FMO4: variants seen among roughly 807,000 people sequenced by gnomAD.
FMO4 encodes the protein dimethylaniline monooxygenase [N-oxide-forming] 4.
Under a neutral mutation model 43.3 loss-of-function variants are expected in FMO4, and 38 were observed. The observed-to-expected ratio is 0.88, with a 90% CI of 0.68 to 1.15. FMO4 has a LOEUF of 1.15. Among genes scored for constraint, FMO4 ranks in the 50% most tolerant of loss-of-function variants. The pLI is 0.00. For synonymous variants in FMO4, 224 were observed against 232.2 expected, an observed-to-expected ratio of 0.96 and a Z score of 0.32; for missense variants, 631 against 663.3, an observed-to-expected ratio of 0.95 and a Z score of 0.54.
intron 3 of FMO4, among the ~76,000 whole-genome samples, chr1:171,320,680 G>A (rs760236830): frequency 1.3e-5 from 2 of 152,026 alleles, no homozygotes; most frequent in African/African-American, 2.4e-5. Context: ...ATCTGCCCCA[G>A]TAGTGAAGTA....
At chr1:171,328,018 C>A (rs898997528) in intron 5 of FMO4, among the ~76,000 whole-genome samples, 1 of 152,056 alleles carries the variant, frequency 6.6e-6, no homozygotes, top group African/African-American at 2.4e-5. Context: ...TTACTTACAT[C>A]CCCATTAGAG....
At chr1:171,325,486 C>A (rs1045708380) in intron 5 of FMO4, among the ~76,000 whole-genome samples, 21 of 151,984 alleles carry the variant, frequency 1.4e-4, no homozygotes, top group African/African-American at 4.8e-4. Flanking sequence ...CAAACGTTGG[C>A]AAAATGAAGG....
In FMO4 at chr1:171,319,909, C is replaced by A; in HGVS notation, c.84C>A (p.Pro28=). ...GCTGTGTGGATGAGGACCTGGAGCC[C>A]ACCTGCTTTGAGAGAAGTGATGACA... ...IKCCVDEDLE[P]TCFERSDDIG... Residue 28 remains proline (P), a synonymous_variant, in exon 3 of 10, where the codon CCC becomes CCA. Coordinates refer to ENST00000367749, the MANE Select transcript of FMO4 (RefSeq NM_002022.3). 1 of 1,613,850 alleles carries A rather than the reference C, an allele frequency of 6.2e-7. No individual in the cohort carries two copies. The highest frequency in any genetic ancestry group is 8.5e-7 in the Non-Finnish European group (1 of 1,179,818).
At chr1:171,339,673 G>C (rs1488768590) in intron 9 of FMO4, among the ~76,000 whole-genome samples, 1 of 152,174 alleles carries the variant, frequency 6.6e-6, no homozygotes, top group East Asian at 1.9e-4. Context: ...AAGTGCTAAG[G>C]CTGATGCCAA....
chr1:171,332,360 T>C (rs1036523913), intron 6 of FMO4, among the ~76,000 whole-genome samples: 2 of 152,216 alleles, frequency 1.3e-5, no homozygotes, highest in African/African-American at 4.8e-5. Context: ...TATATTTTTA[T>C]TTAAAAATAA....
rs1266750254 is a variant in FMO4 at position 171,334,523 on chromosome 1, G to T, written c.940G>T (p.Asp314Tyr). Reference protein sequence around the residue: ...EFTETSAVFEDGTVEENIDVV... With the variant: ...EFTETSAVFEYGTVEENIDVV... Reference sequence around the variant, plus strand: ...TACAGAAACCTCTGCTGTCTTTGAAGATGGGACAGTGGAAGAAAACATTGA... The same window carrying T: ...TACAGAAACCTCTGCTGTCTTTGAATATGGGACAGTGGAAGAAAACATTGA... The change falls in exon 8 of 10, where the codon GAT becomes TAT. Residue 314 changes from aspartate (D) to tyrosine (Y), a missense_variant. Transcript: ENST00000367749. The T allele has an allele frequency of 6.2e-7, 1 of 1,613,794 alleles. No individual in the cohort carries two copies. The highest frequency in any genetic ancestry group is 1.1e-5 in the South Asian group (1 of 91,072).
chr1:171,339,910 C>A (rs188751580), intron 9 of FMO4, among the ~76,000 whole-genome samples: 3 of 152,058 alleles, frequency 2.0e-5, no homozygotes, highest in Non-Finnish European at 4.4e-5. Flanking sequence ...CAAAACCCAG[C>A]GAGAAAAGTT....
At chr1:171,336,323 A>G (rs1663112552) in intron 8 of FMO4, among the ~76,000 whole-genome samples, 1 of 152,094 alleles carries the variant, frequency 6.6e-6, no homozygotes, top group Non-Finnish European at 1.5e-5. Flanking sequence ...TGTTCTAGGA[A>G]CCCAGAAGAC....
chr1:171,334,982 CAG>C (rs1663063369), intron 8 of FMO4, among the ~76,000 whole-genome samples: 2 of 152,174 alleles, frequency 1.3e-5, no homozygotes, highest in South Asian at 4.1e-4. Context: ...ATTTGGACAA[CAG>C]AATATAATCA....
intron 8 of FMO4, 116 bp downstream of exon 8, chr1:171,334,879 C>A (rs569970499): frequency 6.7e-6 from 4 of 593,180 alleles, no homozygotes; most frequent in Admixed American, 7.0e-5. Flanking sequence ...CATTAGTGTA[C>A]AATTAATTGT....
chr1:171,315,941 C>G (rs975267849), intron 1 of FMO4, among the ~76,000 whole-genome samples: 2 of 152,138 alleles, frequency 1.3e-5, no homozygotes, highest in Non-Finnish European at 2.9e-5. Context: ...TAGTATCAGC[C>G]TCTCCATATA....
chr1:171,317,631 T>C (rs1662249709), intron 2 of FMO4, among the ~76,000 whole-genome samples: 1 of 152,200 alleles, frequency 6.6e-6, no homozygotes, highest in African/African-American at 2.4e-5. Flanking sequence ...TGTGTGTATG[T>C]GTATACTTCC....
intron 8 of FMO4, among the ~76,000 whole-genome samples, chr1:171,336,517 G>T (rs1240677804): frequency 2.6e-5 from 4 of 152,154 alleles, no homozygotes; most frequent in Non-Finnish European, 5.9e-5. Flanking sequence ...ACAGAGCCTG[G>T]GTGAGACTGA....
rs756383422 is a variant in FMO4, at chr1:171,341,411, A to G, written c.1251-2A>G. 5 of 1,610,464 alleles carry G rather than the reference A, an allele frequency of 3.1e-6. No homozygotes were observed. Among genetic ancestry groups the G allele is most frequent in the Non-Finnish European group, 3.4e-6 (4 of 1,178,252 alleles). ...AAGGTCCTCCCTCTTTTTTCCTCTCAGGGGAGTGTTTAAAGACACCAGCAA... is the reference window on the plus strand; with the variant it reads ...AAGGTCCTCCCTCTTTTTTCCTCTCGGGGGAGTGTTTAAAGACACCAGCAA... On this transcript the variant is annotated splice_acceptor_variant, in intron 9 of 9. Transcript: ENST00000367749. LOFTEE classifies it high-confidence loss of function.
intron 5 of FMO4, among the ~76,000 whole-genome samples, chr1:171,325,682 CTT>C (rs1250470186): frequency 5.3e-5 from 8 of 152,006 alleles, no homozygotes; most frequent in Non-Finnish European, 1.2e-4. Flanking sequence ...AAAAACACCT[CTT>C]ATGACATTTT....
At chr1:171,321,728 A>C (rs1344805226) in intron 3 of FMO4, among the ~76,000 whole-genome samples, 1 of 152,146 alleles carries the variant, frequency 6.6e-6, no homozygotes, top group Admixed American at 6.5e-5. Flanking sequence ...TCATTCAACA[A>C]GTACTTATCA....
chr1:171,318,888 T>C (rs377576046), intron 2 of FMO4, among the ~76,000 whole-genome samples: 2 of 152,222 alleles, frequency 1.3e-5, no homozygotes, highest in African/African-American at 4.8e-5. Flanking sequence ...TGTTTGCATG[T>C]TCAAACCCCT....
At position 171,319,960 on chromosome 1, in the gene FMO4, A is replaced by T; in HGVS notation, c.132+3A>T. On this transcript the variant is annotated splice_donor_region_variant and intron_variant, in intron 3 of 9. Coordinates refer to ENST00000367749, the MANE Select transcript of FMO4 (RefSeq NM_002022.3). Reference sequence around the variant, plus strand: ...TTGGGGGATTATGGAAGTTTACTGTACGTGGTTCATCTCTATCAGTCATGA... The same window carrying T: ...TTGGGGGATTATGGAAGTTTACTGTTCGTGGTTCATCTCTATCAGTCATGA... The T allele has an allele frequency of 6.2e-7, 1 of 1,613,706 alleles. No homozygotes were observed. Among genetic ancestry groups the T allele is most frequent in the Non-Finnish European group, 8.5e-7 (1 of 1,179,678 alleles).
chr1:171,331,873 T>G, intron 6 of FMO4, 91 bp downstream of exon 6: 472 of 1,091,988 alleles, frequency 4.3e-4, no homozygotes, highest in Non-Finnish European at 6.0e-4. Flanking sequence ...CATTGGCCAA[T>G]TGCTAAATTA....
Sources: gnomAD v4.1 joint callset for allele counts (sites outside exome capture counted in the v4.1 genomes callset) on GRCh38, gnomAD v4.1.1 for gene constraint, MANE v1.5 for transcripts, NCBI Gene and HGNC (gene_info 2026-07-23, HGNC 2026-07-21) for gene names.